The following TMPPE variants were observed in gnomAD, a reference collection of about 807,000 sequenced individuals.
TMPPE encodes transmembrane protein with metallophosphoesterase domain.
TMPPE carries 16 observed loss-of-function variants against 22.6 expected under a neutral mutation model. The observed-to-expected ratio is 0.71, with a 90% CI of 0.48 to 1.08. The LOEUF (loss-of-function observed/expected upper bound fraction) is 1.08. Among genes scored for constraint, TMPPE ranks in the 50% least tolerant of loss-of-function variants. The probability of loss-of-function intolerance (pLI) is 0.00; values close to 1 mark genes in which losing one functional copy is unlikely to be tolerated. For synonymous variants in TMPPE, 240 were observed against 245.3 expected (o/e 0.98, Z 0.20); for missense variants, 526 against 584.3 (o/e 0.90, Z 1.03).
Position 33,091,872 on chromosome 3 carries a change from T to C in TMPPE, c.*962A>G. 1 of 985,402 alleles carries C rather than the reference T, an allele frequency of 1.0e-6. No homozygotes were observed. Among genetic ancestry groups the C allele is most frequent in the Non-Finnish European group, 1.2e-6 (1 of 829,928 alleles). The allele number at this position is 985,402 out of a possible 1,614,324, so 61.0% of individuals were successfully genotyped here. ...TTTCTAACACGGGTGCTTATCTCCATCTCAGGATCAAAGGATCTATTGCTT... is the reference window on the plus strand; with the variant it reads ...TTTCTAACACGGGTGCTTATCTCCACCTCAGGATCAAAGGATCTATTGCTT... On this transcript the variant is annotated 3_prime_UTR_variant, in exon 2 of 2. Coordinates refer to ENST00000342462, the MANE Select transcript of TMPPE (RefSeq NM_001039770.3).
At position 33,095,104 on chromosome 3, in the gene TMPPE, G is replaced by A. The variant is rs1262901586; in HGVS notation, c.-108-801C>T. On this transcript the variant is annotated intron_variant, in intron 1 of 1. Transcript: ENST00000342462. ...TGGATGCATGTAATCCCAGCTACTC[G>A]GGAGGCTGAGGCAGGAGAATCACTT... 2.6e-5 allele frequency among the ~76,000 whole-genome samples: 4 copies of A among 151,364 alleles called. No individual in the cohort carries two copies. The South Asian group carries it at 8.3e-4, about 31-fold the overall frequency.
Position 33,096,951 on chromosome 3 carries a change from G to C in TMPPE, c.-341C>G. The C allele has an allele frequency of 1.3e-6, 2 of 1,582,442 alleles. No individual in the cohort carries two copies. The highest frequency in any genetic ancestry group is 1.7e-6 in the Non-Finnish European group (2 of 1,165,790). ...CCGCGGGTGGCTGCGACCCCAGCCCGGTTCCCCGCCAGCCTGTCCCCTAGC... is the reference window on the plus strand; with the variant it reads ...CCGCGGGTGGCTGCGACCCCAGCCCCGTTCCCCGCCAGCCTGTCCCCTAGC... On this transcript the variant is annotated 5_prime_UTR_variant, in exon 1 of 2. Transcript: ENST00000342462.
Position 33,092,944 on chromosome 3 carries a change from C to T in TMPPE, c.1252G>A (p.Ala418Thr), listed in dbSNP as rs1357216890. 1 of 1,614,154 alleles carries T rather than the reference C, an allele frequency of 6.2e-7. No individual in the cohort carries two copies. Among genetic ancestry groups the T allele is most frequent in the Non-Finnish European group, 8.5e-7 (1 of 1,180,040 alleles). The stretch of plus-strand genomic sequence containing the variant: ...CTGACATACACGAATGTAGCCTGGG[C>T]CACCTGGTAGAGACCAGCAAAGAAG... ...NPFFAGLYQVAQATFVYVSPG... is the reference protein window; with the variant it reads ...NPFFAGLYQVTQATFVYVSPG... The change falls in exon 2 of 2, where the codon GCC (alanine) becomes ACC (threonine). Residue 418 changes from alanine to threonine, a missense_variant. By Grantham distance (58) the Ala-to-Thr change is moderately conservative (BLOSUM62 0). Coordinates refer to ENST00000342462, the MANE Select transcript of TMPPE (RefSeq NM_001039770.3).
rs1700779819 is a variant in TMPPE, at chr3:33,091,914, A to C, written c.*920T>G. 1 of 985,472 alleles carries C rather than the reference A, an allele frequency of 1.0e-6. No individual in the cohort carries two copies. The highest frequency in any genetic ancestry group is 1.1e-4 in the East Asian group (1 of 8,816). The allele number at this position is 985,472 out of a possible 1,614,324, so 61.0% of individuals were successfully genotyped here. A position where few individuals can be genotyped will look rare whatever the true frequency, so the allele number is the denominator to read the frequency against. ...CTATTGCTTCTGGCAAAAGGGCAAA[A>C]GCACCGCTTTTACTGGGAGGTACAA... On this transcript the variant is annotated 3_prime_UTR_variant, in exon 2 of 2. Coordinates refer to ENST00000342462, the MANE Select transcript of TMPPE (RefSeq NM_001039770.3).
chr3:33,096,358 TG>T, intron 1 of TMPPE: 1 of 978,856 alleles, frequency 1.0e-6, no homozygotes, highest in Non-Finnish European at 1.2e-6. Flanking sequence ...TCGCCAGCCC[TG>T]CCCCGATCAA....
chr3:33,091,445 G>C lies in TMPPE; in HGVS notation c.*1389C>G, dbSNP rs531941264. The C allele has an allele frequency of 1.0e-6, 1 of 985,512 alleles. No homozygotes were observed. Among genetic ancestry groups the C allele is most frequent in the South Asian group, 4.7e-5 (1 of 21,292 alleles). The allele number at this position is 985,512 out of a possible 1,614,324, so 61.0% of individuals were successfully genotyped here. ...CACCTGCCCCAGCAGCAGGCAGCTC[G>C]CTACCCACTCACATTCCCCAGGACT... is the stretch of plus-strand genomic sequence containing the variant. On this transcript the variant is annotated 3_prime_UTR_variant, in exon 2 of 2. Coordinates refer to ENST00000342462, the MANE Select transcript of TMPPE (RefSeq NM_001039770.3).
intron 1 of TMPPE, among the ~76,000 whole-genome samples, chr3:33,094,818 T>C (rs997325451): frequency 1.3e-5 from 2 of 152,244 alleles, no homozygotes; most frequent in African/African-American, 4.8e-5. Flanking sequence ...ACAGTGCAAC[T>C]CTTCACCCTA....
Position 33,093,956 on chromosome 3 carries a change from G to A in TMPPE, c.240C>T (p.Thr80=). ...CCACCACCTTCCAAAGCTGAAAACA[G>A]GTTGACTCTGCAGCTGGGGAGTGGC... ...NLCHSPAAES[T]CFQLWKVVVL... is the part of the protein sequence containing the mutation. The change falls in exon 2 of 2, where the codon ACC becomes ACT. Residue 80 remains threonine, a synonymous_variant. Coordinates refer to ENST00000342462, the MANE Select transcript of TMPPE (RefSeq NM_001039770.3). This position sits in a 1 kb window ranked among gnomAD's most constrained non-coding sequence, Gnocchi z 6.0. 1 of 1,614,198 alleles carries A rather than the reference G, an allele frequency of 6.2e-7. No individual in the cohort carries two copies. The highest frequency in any genetic ancestry group is 8.5e-7 in the Non-Finnish European group (1 of 1,180,030).
At position 33,091,535 on chromosome 3, in the gene TMPPE, C is replaced by T. The variant is rs904989568; in HGVS notation, c.*1299G>A. On this transcript the variant is annotated 3_prime_UTR_variant, in exon 2 of 2. Coordinates refer to ENST00000342462, the MANE Select transcript of TMPPE (RefSeq NM_001039770.3). The stretch of plus-strand genomic sequence containing the variant: ...AGTTCCTTAGCAAGCTCCACTGGAA[C>T]GTTGAAAAATTAACATTGAGTGTTT... The T allele has an allele frequency of 6.1e-6, 6 of 985,494 alleles. No homozygotes were observed. The highest frequency in any genetic ancestry group is 1.7e-5 in the African/African-American group (1 of 57,364). 61.0% of individuals were successfully genotyped at this position (985,494 alleles called of 1,614,324 possible). A position where few individuals can be genotyped will look rare whatever the true frequency, so the allele number is the denominator to read the frequency against.
At position 33,090,952 on chromosome 3, in the gene TMPPE, G is replaced by A; in HGVS notation, c.*1882C>T. 1.0e-6 allele frequency: 1 copy of A among 984,756 alleles called. No individual in the cohort carries two copies. 61.0% of individuals were successfully genotyped at this position (984,756 alleles called of 1,614,324 possible). ...AAAAAAAAAATAGGACTTAATGAAA[G>A]CTAATTTCATCAAGCCCAGGTCACT... On this transcript the variant is annotated 3_prime_UTR_variant, in exon 2 of 2. Coordinates refer to ENST00000342462, the MANE Select transcript of TMPPE (RefSeq NM_001039770.3).
In TMPPE at chr3:33,092,181, G is replaced by T; in HGVS notation, c.*653C>A. On this transcript the variant is annotated 3_prime_UTR_variant, in exon 2 of 2. Coordinates refer to ENST00000342462, the MANE Select transcript of TMPPE (RefSeq NM_001039770.3). ...TTCTCCCCTGACCTTGCCCCCAAAG[G>T]CCCAGGAGCACAGACAGTTAAATAG... 1 of 985,730 alleles carries T rather than the reference G, an allele frequency of 1.0e-6. No individual in the cohort carries two copies. Among genetic ancestry groups the T allele is most frequent in the Non-Finnish European group, 1.2e-6 (1 of 830,242 alleles). 61.1% of individuals were successfully genotyped at this position (985,730 alleles called of 1,614,324 possible).
chr3:33,096,984 C>T lies in TMPPE; in HGVS notation c.-374G>A, dbSNP rs1417610789. 23 of 1,609,348 alleles carry T rather than the reference C, an allele frequency of 1.4e-5. No homozygotes were observed. Among genetic ancestry groups the T allele is most frequent in the Non-Finnish European group, 2.0e-5 (23 of 1,177,866 alleles). ...GCCAGCCTGTCCCCTAGCAATGCCT[C>T]CCCGTACCCGGGTCCCGCAGACTTA... On this transcript the variant is annotated 5_prime_UTR_variant, in exon 1 of 2. Coordinates refer to ENST00000342462, the MANE Select transcript of TMPPE (RefSeq NM_001039770.3).
At position 33,094,316 on chromosome 3, in the gene TMPPE, A is replaced by G; in HGVS notation, c.-108-13T>C. ...AGGTCAACTCCGCCTGCAACCAGGA[A>G]CCAGCATCAGCTTTGTGGGATATTA... On this transcript the variant is annotated splice_polypyrimidine_tract_variant and intron_variant, in intron 1 of 1. Coordinates refer to ENST00000342462, the MANE Select transcript of TMPPE (RefSeq NM_001039770.3). 6.8e-7 allele frequency: 1 copy of G among 1,477,914 alleles called. No individual in the cohort carries two copies. Among genetic ancestry groups the G allele is most frequent in the Non-Finnish European group, 9.0e-7 (1 of 1,115,188 alleles). 91.6% of individuals were successfully genotyped at this position (1,477,914 alleles called of 1,614,324 possible).
chr3:33,093,094 C>T lies in TMPPE; in HGVS notation c.1102G>A (p.Ala368Thr). The T allele has an allele frequency of 1.2e-6, 2 of 1,614,214 alleles. No homozygotes were observed. The highest frequency in any genetic ancestry group is 1.7e-6 in the Non-Finnish European group (2 of 1,180,032). Residue 368 changes from alanine to threonine, a missense_variant, in exon 2 of 2, where the codon GCT (alanine) becomes ACT (threonine). By Grantham distance (58) the Ala-to-Thr change is moderately conservative (BLOSUM62 0). Transcript: ENST00000342462. This position sits in a 1 kb window ranked among gnomAD's most constrained non-coding sequence, Gnocchi z 6.0. ...CSPDHTIILL[A>T]HQPLAAKRAL... ...CTCTTGGCAGCCAGGGGCTGGTGAG[C>T]TAGCAAGATGATTGTGTGGTCTGGG...
rs766892817 is a variant in TMPPE, at chr3:33,092,899, C to T, written c.1297G>A (p.Gly433Arg). The T allele has an allele frequency of 3.1e-6, 5 of 1,613,888 alleles. No individual in the cohort carries two copies. Among genetic ancestry groups the T allele is most frequent in the Admixed American group, 3.3e-5 (2 of 59,974 alleles). Reference sequence around the variant, plus strand: ...CTGCTACCCAGCCTCATGGGTATCCCGTAGTAGGCTGTGCCTGGGCTGACA... The same window carrying T: ...CTGCTACCCAGCCTCATGGGTATCCTGTAGTAGGCTGTGCCTGGGCTGACA... ...VYVSPGTAYY[G>R]IPMRLGSRAE... Residue 433 changes from glycine (G) to arginine (R), a missense_variant, in exon 2 of 2, where the codon GGG becomes AGG. Gly to Arg is a moderately radical substitution (Grantham distance 125). Coordinates refer to ENST00000342462, the MANE Select transcript of TMPPE (RefSeq NM_001039770.3).
chr3:33,096,946 A>T lies in TMPPE; in HGVS notation c.-336T>A. 1.3e-6 allele frequency: 2 copies of T among 1,576,646 alleles called. No individual in the cohort carries two copies. The highest frequency in any genetic ancestry group is 2.3e-5 in the South Asian group (2 of 86,650). ...CGGGACCGCGGGTGGCTGCGACCCCAGCCCGGTTCCCCGCCAGCCTGTCCC... is the reference window on the plus strand; with the variant it reads ...CGGGACCGCGGGTGGCTGCGACCCCTGCCCGGTTCCCCGCCAGCCTGTCCC... On this transcript the variant is annotated 5_prime_UTR_variant, in exon 1 of 2. Transcript: ENST00000342462.
At chr3:33,094,704 G>A (rs73043357) in intron 1 of TMPPE, among the ~76,000 whole-genome samples, 15,822 of 152,038 alleles carry the variant, frequency 0.1, 1,129 homozygotes, top group Non-Finnish European at 0.16. Flanking sequence ...TCTTCCAGAG[G>A]CTATGTGACA....
chr3:33,096,415 A>AC, intron 1 of TMPPE: 4 of 345,650 alleles, frequency 1.2e-5, no homozygotes, highest in Non-Finnish European at 1.2e-5. Context: ...CTCAACCTGG[A>AC]CCCCCAAACG....
intron 1 of TMPPE, among the ~76,000 whole-genome samples, chr3:33,094,910 A>G (rs1179852944): frequency 6.6e-6 from 1 of 152,218 alleles, no homozygotes; most frequent in Non-Finnish European, 1.5e-5. Flanking sequence ...CTTAACAAAT[A>G]GTTTAAAATA....
Sources: allele counts gnomAD v4.1 joint callset (sites outside exome capture counted in the v4.1 genomes callset), GRCh38; gene constraint gnomAD v4.1.1; non-coding constraint Gnocchi (gnomAD v3.1); transcripts MANE v1.5; gene names NCBI Gene and HGNC (gene_info 2026-07-23, HGNC 2026-07-21).